Variants in MYO1D observed in about 807,000 individuals in gnomAD.
MYO1D encodes the protein unconventional myosin-Id.
In MYO1D, 83 loss-of-function variants were observed where a neutral mutation model predicts 122.0. The observed-to-expected ratio is 0.68, with a 90% CI of 0.57 to 0.82. The LOEUF is 0.82. MYO1D is among the 40% of genes least tolerant of loss of function. The pLI, the probability that MYO1D is intolerant of heterozygous loss-of-function variation, is 0.00. For synonymous variants in MYO1D, 464 were observed against 446.9 expected (o/e 1.04, Z -0.48); for missense variants, 1,157 against 1,269.5 (o/e 0.91, Z 1.35).
Position 32,492,664 on chromosome 17 carries a change from A to T in MYO1D, c.*2095T>A, listed in dbSNP as rs1908920468. ...CAAATCAAAATATGCTTTAGAAATA[A>T]AGTTAATTTACTGGAAAATAGGAGT... On this transcript the variant is annotated 3_prime_UTR_variant, in exon 22 of 22. Transcript: ENST00000318217. 2 of 152,606 alleles carry T rather than the reference A, an allele frequency of 1.3e-5. No homozygotes were observed. Among genetic ancestry groups the T allele is most frequent in the African/African-American group, 4.8e-5 (2 of 41,440 alleles). 9.5% of individuals were successfully genotyped at this position (152,606 alleles called of 1,614,324 possible). A position where few individuals can be genotyped will look rare whatever the true frequency, so the allele number is the denominator to read the frequency against.
intron 21 of MYO1D, among the ~76,000 whole-genome samples, chr17:32,601,143 A>G (rs1398500457): frequency 3.9e-5 from 6 of 152,078 alleles, no homozygotes; most frequent in African/African-American, 1.4e-4. Context: ...TATGTTGCGC[A>G]GACCTTGGTC....
intron 16 of MYO1D, among the ~76,000 whole-genome samples, chr17:32,699,120 A>G (rs1305040028): frequency 6.6e-6 from 1 of 151,954 alleles, no homozygotes; most frequent in Non-Finnish European, 1.5e-5. Context: ...TTGTGTCATC[A>G]CGCCCGGCTA....
intron 21 of MYO1D, among the ~76,000 whole-genome samples, chr17:32,502,838 C>A (rs1335704426): frequency 6.6e-6 from 1 of 152,148 alleles, no homozygotes; most frequent in Non-Finnish European, 1.5e-5. Context: ...AAGGAAACAT[C>A]GTACAGATGG....
At chr17:32,855,430 G>A (rs1266278250) in intron 1 of MYO1D, among the ~76,000 whole-genome samples, 1 of 152,124 alleles carries the variant, frequency 6.6e-6, no homozygotes. Context: ...CATAGAGTAC[G>A]TATTGTTTTC....
intron 20 of MYO1D, among the ~76,000 whole-genome samples, chr17:32,619,670 T>G (rs1463931116): frequency 6.6e-6 from 1 of 152,216 alleles, no homozygotes; most frequent in African/African-American, 2.4e-5. Context: ...GATAGTCAAA[T>G]TATTATTTTA....
At chr17:32,661,647 C>G (rs1489911471) in intron 16 of MYO1D, among the ~76,000 whole-genome samples, 1 of 110,126 alleles carries the variant, frequency 9.1e-6, no homozygotes, top group Non-Finnish European at 1.9e-5. Context: ...GGAAGTGAGA[C>G]CCTGTCCCAA....
chr17:32,740,631 C>T (rs1598055424), intron 13 of MYO1D, among the ~76,000 whole-genome samples: 1 of 152,186 alleles, frequency 6.6e-6, no homozygotes, highest in East Asian at 1.9e-4. Flanking sequence ...GCACGTGCCA[C>T]CATGCCTGGC....
At chr17:32,524,778 G>C (rs750833221) in intron 21 of MYO1D, among the ~76,000 whole-genome samples, 2 of 152,236 alleles carry the variant, frequency 1.3e-5, no homozygotes, top group Middle Eastern at 3.4e-3. Context: ...GGTTAGGCTG[G>C]TCTTGAACTC....
At chr17:32,562,170 A>AT (rs1290529427) in intron 21 of MYO1D, among the ~76,000 whole-genome samples, 4 of 151,742 alleles carry the variant, frequency 2.6e-5, no homozygotes, top group Non-Finnish European at 4.4e-5. Context: ...AAGTTTTTGT[A>AT]TTTTTTTGTA....
rs111820383 is a variant in MYO1D at position 32,620,552 on chromosome 17, C to T, written c.2710-15311G>A. On this transcript the variant is annotated intron_variant, in intron 20 of 21. Transcript: ENST00000318217. Reference sequence around the variant, plus strand: ...CAAAAAGAAAAGCCAGGGAACCCCCCCCTGCCAAGTTCCTCCAGAGTCCTG... The same window carrying T: ...CAAAAAGAAAAGCCAGGGAACCCCCTCCTGCCAAGTTCCTCCAGAGTCCTG... 7.6e-4 allele frequency among the ~76,000 whole-genome samples: 116 copies of T among 152,260 alleles called. 1 individual carries two copies. The highest frequency in any genetic ancestry group is 2.6e-3 in the African/African-American group (109 of 41,548).
chr17:32,807,390 A>G (rs553866193), intron 1 of MYO1D, among the ~76,000 whole-genome samples: 1 of 152,232 alleles, frequency 6.6e-6, no homozygotes, highest in South Asian at 2.1e-4. Context: ...ATTATATATA[A>G]TATGTAAAAT....
In MYO1D at chr17:32,659,263, G is replaced by A. The variant is rs762851105; in HGVS notation, c.2197C>T (p.Arg733Cys). The change falls in exon 17 of 22, where the codon CGC (arginine) becomes TGC (cysteine). Residue 733 changes from arginine to cysteine, a missense_variant. Physicochemically the swap from Arg to Cys is radical, Grantham distance 180. Coordinates refer to ENST00000318217, the MANE Select transcript of MYO1D (RefSeq NM_015194.3). ...AALTIIRYYRRYKVKSYIHEV... is the reference protein window; with the variant it reads ...AALTIIRYYRCYKVKSYIHEV... Reference sequence around the variant, plus strand: ...TGGATGTACGACTTCACTTTGTAGCGCCGGTAGTACCTGATTATTGTCAGA... The same window carrying A: ...TGGATGTACGACTTCACTTTGTAGCACCGGTAGTACCTGATTATTGTCAGA... 8.1e-6 allele frequency: 13 copies of A among 1,614,078 alleles called. No homozygotes were observed. The highest frequency in any genetic ancestry group is 3.3e-5 in the Admixed American group (2 of 60,006).
intron 21 of MYO1D, among the ~76,000 whole-genome samples, chr17:32,599,386 A>G (rs1044443492): frequency 6.6e-6 from 1 of 152,184 alleles, no homozygotes; most frequent in Non-Finnish European, 1.5e-5. Context: ...TCCACTTCCA[A>G]TTCAAGTTCT....
chr17:32,566,906 C>A (rs2087179356), intron 21 of MYO1D, among the ~76,000 whole-genome samples: 1 of 147,310 alleles, frequency 6.8e-6, no homozygotes, highest in Non-Finnish European at 1.5e-5. Flanking sequence ...ATCTTTCCAA[C>A]AGAGGAATGG....
chr17:32,624,216 G>GTTTTTTT (rs3040378), intron 20 of MYO1D, among the ~76,000 whole-genome samples: 1 of 137,914 alleles, frequency 7.3e-6, no homozygotes, highest in Non-Finnish European at 1.6e-5. Flanking sequence ...TTTTCTTTAA[G>GTTTTTTT]TTTTTTTTTT....
intron 21 of MYO1D, among the ~76,000 whole-genome samples, chr17:32,528,811 G>C (rs1191545438): frequency 1.3e-5 from 2 of 152,212 alleles, no homozygotes; most frequent in Non-Finnish European, 2.9e-5. Context: ...GAGGCCGGAG[G>C]GGTGGAGGAG....
At chr17:32,807,531 A>C (rs2090527006) in intron 1 of MYO1D, among the ~76,000 whole-genome samples, 1 of 152,216 alleles carries the variant, frequency 6.6e-6, no homozygotes, top group South Asian at 2.1e-4. Flanking sequence ...GTAAATAGTA[A>C]AGCAGGCTTA....
rs537704823 is a variant in MYO1D, at chr17:32,643,391, T to G, written c.2596-4556A>C. On this transcript the variant is annotated intron_variant, in intron 19 of 21. Coordinates refer to ENST00000318217, the MANE Select transcript of MYO1D (RefSeq NM_015194.3). ...ATATTGGTCTAAAATTCTCTTTTTTTGTTGTGTCTCTGCCAGGCTTTGGTA... is the reference window on the plus strand; with the variant it reads ...ATATTGGTCTAAAATTCTCTTTTTTGGTTGTGTCTCTGCCAGGCTTTGGTA... Among the ~76,000 whole-genome samples the G allele has an allele frequency of 2.0e-5, 3 of 152,284 alleles. No individual in the cohort carries two copies. The South Asian group carries it at 6.2e-4, about 32-fold the overall frequency.
chr17:32,771,210 C>T lies in MYO1D; in HGVS notation c.629G>A (p.Gly210Glu). The T allele has an allele frequency of 6.2e-7, 1 of 1,604,604 alleles. No individual in the cohort carries two copies. Among genetic ancestry groups the T allele is most frequent in the Non-Finnish European group, 8.5e-7 (1 of 1,172,722 alleles). Residue 210 changes from glycine to glutamate, a missense_variant, in exon 6 of 22, where the codon GGA (glycine) becomes GAA (glutamate). Physicochemically the swap from Gly to Glu is moderately conservative, Grantham distance 98. Coordinates refer to ENST00000318217, the MANE Select transcript of MYO1D (RefSeq NM_015194.3). Reference protein sequence around the residue: ...SFHSFYQLLQGGSEQMLRSLH... With the variant: ...SFHSFYQLLQEGSEQMLRSLH... Reference sequence around the variant, plus strand: ...AGAGCGTAGCATTTGTTCTGAACCTCCTTGGAGTAGCTGAAAAATATTTAA... The same window carrying T: ...AGAGCGTAGCATTTGTTCTGAACCTTCTTGGAGTAGCTGAAAAATATTTAA...
Sources: gnomAD v4.1 joint callset for allele counts (sites outside exome capture counted in the v4.1 genomes callset) on GRCh38, gnomAD v4.1.1 for gene constraint, MANE v1.5 for transcripts, NCBI Gene and HGNC (gene_info 2026-07-23, HGNC 2026-07-21) for gene names.